Variants in ADGRB3 observed in about 807,000 individuals in gnomAD.
ADGRB3 encodes brain-specific angiogenesis inhibitor 3.
ADGRB3 carries 37 observed loss-of-function variants against 193.4 expected under a neutral mutation model. The observed-to-expected ratio is 0.19, with a 90% CI of 0.15 to 0.25. The LOEUF is 0.25. Among genes scored for constraint, ADGRB3 ranks in the 10% least tolerant of loss-of-function variants. ADGRB3 has a pLI of 1.00. For missense variants in ADGRB3, 1,637 were observed against 1,852.9 expected, an observed-to-expected ratio of 0.88 and a Z score of 2.14; for synonymous variants, 690 against 644.2, an observed-to-expected ratio of 1.07 and a Z score of -1.08.
At chr6:69,079,374 A>C (rs1772322852) in intron 17 of ADGRB3, among the ~76,000 whole-genome samples, 1 of 152,052 alleles carries the variant, frequency 6.6e-6, no homozygotes. Context: ...AAAATTCAAC[A>C]CCCCTTCATG....
At chr6:69,269,919 T>A (rs1206615445) in intron 20 of ADGRB3, among the ~76,000 whole-genome samples, 1 of 152,194 alleles carries the variant, frequency 6.6e-6, no homozygotes, top group African/African-American at 2.4e-5. Context: ...ATTTGTAGTA[T>A]TAACACATTA....
chr6:68,802,801 T>C (rs190577951), intron 3 of ADGRB3, among the ~76,000 whole-genome samples: 1 of 152,342 alleles, frequency 6.6e-6, no homozygotes, highest in African/African-American at 2.4e-5. Context: ...AAATACAGTC[T>C]TCACCAATCC....
chr6:68,814,213 C>G (rs1767578590), intron 3 of ADGRB3, among the ~76,000 whole-genome samples: 1 of 152,172 alleles, frequency 6.6e-6, no homozygotes, highest in Non-Finnish European at 1.5e-5. Context: ...TCCTCTCCGG[C>G]ACCTGTTGTT....
chr6:69,340,477 C>T (rs1398257254), intron 26 of ADGRB3, among the ~76,000 whole-genome samples: 1 of 152,088 alleles, frequency 6.6e-6, no homozygotes, highest in Non-Finnish European at 1.5e-5. Flanking sequence ...TGTTTGAGAA[C>T]TTTATTGCAA....
At chr6:68,745,178 G>A (rs1296059817) in intron 3 of ADGRB3, among the ~76,000 whole-genome samples, 1 of 152,130 alleles carries the variant, frequency 6.6e-6, no homozygotes, top group Non-Finnish European at 1.5e-5. Context: ...GTAGCCAAGA[G>A]GTAGAAGCAA....
At chr6:69,020,448 C>A (rs1385988543) in intron 13 of ADGRB3, among the ~76,000 whole-genome samples, 2 of 151,874 alleles carry the variant, frequency 1.3e-5, no homozygotes, top group African/African-American at 4.8e-5. Flanking sequence ...TTTGACTCAC[C>A]AAGCTTGTAT....
rs567499245 is a variant in ADGRB3, at chr6:69,170,802, G to A, written c.2481-62488G>A. ...AGCTCGAAAGGTAAGTAAAGATGGG[G>A]AATTCAGATATGGAATTAGAGCTTA... On this transcript the variant is annotated intron_variant, in intron 17 of 31. Coordinates refer to ENST00000370598, the MANE Select transcript of ADGRB3 (RefSeq NM_001704.3). Among the ~76,000 whole-genome samples, 3 of 152,192 alleles carry A rather than the reference G, an allele frequency of 2.0e-5. No individual in the cohort carries two copies. The South Asian group carries it at 6.2e-4, about 32-fold the overall frequency.
intron 16 of ADGRB3, among the ~76,000 whole-genome samples, chr6:69,073,602 G>T (rs748012916): frequency 2.0e-5 from 3 of 152,076 alleles, no homozygotes; most frequent in Admixed American, 1.3e-4. Context: ...GGAGAGAAGG[G>T]GCCAGGCTCC....
intron 17 of ADGRB3, among the ~76,000 whole-genome samples, chr6:69,100,458 A>G (rs1773000743): frequency 6.6e-6 from 1 of 152,204 alleles, no homozygotes; most frequent in Non-Finnish European, 1.5e-5. Context: ...AGAGATAAAA[A>G]GAGGAGAGGA....
At chr6:68,769,294 G>A (rs1766570284) in intron 3 of ADGRB3, among the ~76,000 whole-genome samples, 4 of 152,130 alleles carry the variant, frequency 2.6e-5, no homozygotes, top group Non-Finnish European at 5.9e-5. Flanking sequence ...CAACCCAAAT[G>A]CCCATCAATG....
chr6:69,180,219 T>A (rs759417853), intron 17 of ADGRB3, among the ~76,000 whole-genome samples: 3 of 151,996 alleles, frequency 2.0e-5, no homozygotes, highest in Non-Finnish European at 2.9e-5. Context: ...CGTAGAGCAG[T>A]CCCTTCTACA....
At chr6:68,647,696 T>A (rs180885159) in intron 3 of ADGRB3, among the ~76,000 whole-genome samples, 1 of 152,328 alleles carries the variant, frequency 6.6e-6, no homozygotes, top group Non-Finnish European at 1.5e-5. Context: ...CCTTTGAATA[T>A]CATTGCTGAT....
At position 68,890,039 on chromosome 6, in the gene ADGRB3, A is replaced by G. The variant is rs536666996; in HGVS notation, c.758-40520A>G. On this transcript the variant is annotated intron_variant, in intron 3 of 31. Coordinates refer to ENST00000370598, the MANE Select transcript of ADGRB3 (RefSeq NM_001704.3). ...ATATTTCAAATGATTTCTCAAAAGT[A>G]TATGCAAATAACAAAATGTCAATAT... is the stretch of plus-strand genomic sequence containing the variant. Among the ~76,000 whole-genome samples the G allele has an allele frequency of 5.8e-4, 89 of 152,334 alleles. 1 individual carries two copies. Among genetic ancestry groups the G allele is most frequent in the South Asian group, 5.0e-3 (24 of 4,832 alleles).
chr6:69,348,619 G>T (rs1044337307), intron 26 of ADGRB3, among the ~76,000 whole-genome samples: 13 of 151,422 alleles, frequency 8.6e-5, no homozygotes, highest in African/African-American at 3.2e-4. Flanking sequence ...CTGAGATTGT[G>T]CCACTGCACT....
In ADGRB3 at chr6:68,864,615, TA is replaced by T. The variant is rs543822572; in HGVS notation, c.758-65942del. 1.2e-3 allele frequency among the ~76,000 whole-genome samples: 182 copies of T among 152,338 alleles called. 8 individuals carry two copies. In the South Asian group the frequency reaches 0.035, roughly 29 times the overall value. On this transcript the variant is annotated intron_variant, in intron 3 of 31. Coordinates refer to ENST00000370598, the MANE Select transcript of ADGRB3 (RefSeq NM_001704.3). ...GACAAAATAAACGACTCCTTTTGTG[TA>T]ACCCCCTGTTATTTGGAGGTCTATG...
At chr6:69,149,353 G>A (rs1301631568) in intron 17 of ADGRB3, among the ~76,000 whole-genome samples, 1 of 151,846 alleles carries the variant, frequency 6.6e-6, no homozygotes, top group African/African-American at 2.4e-5. Context: ...TAGTATGTCA[G>A]TTGCATTTTT....
chr6:69,328,112 G>A (rs978735869), intron 22 of ADGRB3, among the ~76,000 whole-genome samples: 3 of 152,110 alleles, frequency 2.0e-5, no homozygotes, highest in Admixed American at 6.6e-5. Context: ...TTCTTAATAA[G>A]ACCAGCATAT....
intron 29 of ADGRB3, among the ~76,000 whole-genome samples, chr6:69,362,347 C>T (rs1375667400): frequency 6.6e-6 from 1 of 151,944 alleles, no homozygotes; most frequent in Non-Finnish European, 1.5e-5. Context: ...ACATAAAACA[C>T]TATCTACAGA....
intron 20 of ADGRB3, among the ~76,000 whole-genome samples, chr6:69,263,544 C>T (rs929193373): frequency 7.9e-5 from 12 of 151,952 alleles, no homozygotes; most frequent in Non-Finnish European, 5.9e-5. Flanking sequence ...AACAGAAACA[C>T]GTGTCATATT....
Sources: gnomAD v4.1 joint callset for allele counts (sites outside exome capture counted in the v4.1 genomes callset) on GRCh38, gnomAD v4.1.1 for gene constraint, MANE v1.5 for transcripts, NCBI Gene and HGNC (gene_info 2026-07-23, HGNC 2026-07-21) for gene names.